AFF3: variants seen among roughly 807,000 people sequenced by gnomAD.
AFF3 encodes the protein AF4/FMR2 family member 3.
A neutral mutation model predicts 129.7 loss-of-function variants in AFF3; 32 were observed. That is an observed-to-expected ratio of 0.25 (90% CI 0.19 to 0.33). The LOEUF (loss-of-function observed/expected upper bound fraction) is 0.33, where lower values mean the gene tolerates loss of function less well. AFF3 is among the 10% of genes least tolerant of loss of function. AFF3 has a pLI of 1.00. For missense variants in AFF3, 1,373 were observed against 1,592.0 expected (o/e 0.86, Z 2.34); for synonymous variants, 644 against 635.4 (o/e 1.01, Z -0.20).
chr2:99,809,255 A>G (rs1686602153), intron 8 of AFF3, among the ~76,000 whole-genome samples: 1 of 152,240 alleles, frequency 6.6e-6, no homozygotes, highest in Non-Finnish European at 1.5e-5. Flanking sequence ...GGAAAGTGAC[A>G]GCAGAGCGCT....
intron 7 of AFF3, among the ~76,000 whole-genome samples, chr2:99,950,021 T>C (rs1675993328): frequency 6.6e-6 from 1 of 152,190 alleles, no homozygotes; most frequent in Admixed American, 6.5e-5. Context: ...GGTACTGAAA[T>C]CACTCTACTC....
chr2:100,136,534 CT>C (rs1408623704), intron 1 of AFF3, among the ~76,000 whole-genome samples: 1 of 152,210 alleles, frequency 6.6e-6, no homozygotes, highest in Non-Finnish European at 1.5e-5. Context: ...TGAAAAGGGG[CT>C]TTTCCCATAT....
intron 7 of AFF3, among the ~76,000 whole-genome samples, chr2:99,986,016 T>C (rs1248780041): frequency 6.6e-6 from 1 of 151,680 alleles, no homozygotes; most frequent in African/African-American, 2.4e-5. Context: ...CTGGCTAACA[T>C]GGTGAAACCC....
chr2:99,786,965 T>C (rs2105416297), intron 8 of AFF3, among the ~76,000 whole-genome samples: 1 of 152,202 alleles, frequency 6.6e-6, no homozygotes, highest in Non-Finnish European at 1.5e-5. Context: ...ATTAACACAG[T>C]CAAGCACCAG....
At chr2:99,942,392 TAAAG>T (rs1009831909) in intron 7 of AFF3, among the ~76,000 whole-genome samples, 1 of 151,530 alleles carries the variant, frequency 6.6e-6, no homozygotes, top group Non-Finnish European at 1.5e-5. Context: ...AGAAAAATAA[TAAAG>T]AAGAAAATGA....
At chr2:100,058,528 T>C (rs577399683) in intron 4 of AFF3, among the ~76,000 whole-genome samples, 20 of 152,364 alleles carry the variant, frequency 1.3e-4, no homozygotes, top group Middle Eastern at 6.8e-3. Context: ...GCAATGCTTC[T>C]GGCCAGGGCA....
intron 7 of AFF3, among the ~76,000 whole-genome samples, chr2:99,908,482 T>C (rs997128089): frequency 3.3e-5 from 5 of 152,154 alleles, no homozygotes; most frequent in Non-Finnish European, 4.4e-5. Flanking sequence ...AAATGGGATC[T>C]AATTAAACTA....
chr2:99,946,294 G>C, intron 7 of AFF3, among the ~76,000 whole-genome samples: 1 of 151,314 alleles, frequency 6.6e-6, no homozygotes. Flanking sequence ...CCAACATGGC[G>C]TAAACCCCAT....
intron 13 of AFF3, among the ~76,000 whole-genome samples, chr2:99,613,695 A>G (rs1173883265): frequency 8.5e-5 from 13 of 152,216 alleles, no homozygotes; most frequent in African/African-American, 3.1e-4. Context: ...GTTCATTTAT[A>G]ATACTTTTAC....
intron 7 of AFF3, among the ~76,000 whole-genome samples, chr2:99,939,925 T>C (rs1214448799): frequency 6.6e-6 from 1 of 152,192 alleles, no homozygotes; most frequent in Non-Finnish European, 1.5e-5. Flanking sequence ...GATGGGTGTA[T>C]TGTTCTGGTG....
chr2:100,010,259 T>C (rs913074368), intron 4 of AFF3, among the ~76,000 whole-genome samples: 4 of 152,180 alleles, frequency 2.6e-5, no homozygotes, highest in Non-Finnish European at 5.9e-5. Context: ...CTTATAAAAA[T>C]TGTGATTTTT....
At chr2:99,808,418 T>C (rs1433363282) in intron 8 of AFF3, among the ~76,000 whole-genome samples, 2 of 152,232 alleles carry the variant, frequency 1.3e-5, no homozygotes, top group Non-Finnish European at 2.9e-5. Flanking sequence ...CTATTGTTCT[T>C]ACTGTAGTTC....
intron 4 of AFF3, among the ~76,000 whole-genome samples, chr2:100,027,758 G>A (rs1299635670): frequency 6.6e-6 from 1 of 152,056 alleles, no homozygotes; most frequent in Non-Finnish European, 1.5e-5. Context: ...TGTGTTCCCT[G>A]TTCACAAATA....
At chr2:100,122,672 G>C (rs1482446912) in intron 2 of AFF3, among the ~76,000 whole-genome samples, 1 of 152,212 alleles carries the variant, frequency 6.6e-6, no homozygotes, top group Non-Finnish European at 1.5e-5. Flanking sequence ...CTAGAGAAGA[G>C]AGGAAAGCAA....
At chr2:100,084,840 C>T (rs993516892) in intron 4 of AFF3, among the ~76,000 whole-genome samples, 3 of 149,568 alleles carry the variant, frequency 2.0e-5, no homozygotes, top group African/African-American at 7.4e-5. Flanking sequence ...TGTCCAATTT[C>T]GTGTATCTTT....
intron 7 of AFF3, among the ~76,000 whole-genome samples, chr2:99,919,873 G>A (rs1484987022): frequency 6.6e-6 from 1 of 151,860 alleles, no homozygotes. Context: ...CCAATATCAA[G>A]AATAAAACAG....
intron 7 of AFF3, among the ~76,000 whole-genome samples, chr2:99,995,904 A>T (rs1200006471): frequency 6.6e-6 from 1 of 152,222 alleles, no homozygotes; most frequent in Non-Finnish European, 1.5e-5. Flanking sequence ...TCAACAGAAA[A>T]ATGGGTAAAG....
chr2:99,816,966 A>G (rs1308704479), intron 8 of AFF3, among the ~76,000 whole-genome samples: 1 of 152,116 alleles, frequency 6.6e-6, no homozygotes. Context: ...AATGACAGGG[A>G]ATATGATTCT....
rs1007077690 is a variant in AFF3 at position 99,997,829 on chromosome 2, C to G, written c.873+8803G>C. On this transcript the variant is annotated intron_variant, in intron 7 of 24. Transcript: ENST00000672756. ...CCACCTGGCATGTGCCTTCTCCCTG[C>G]CATGTCTTCCTGGCTAACTCTACCA... Among the ~76,000 whole-genome samples the G allele has an allele frequency of 2.6e-5, 4 of 152,178 alleles. No individual in the cohort carries two copies. In the East Asian group the frequency reaches 5.8e-4, roughly 22 times the overall value.
Sources: gnomAD v4.1 joint callset for allele counts (sites outside exome capture counted in the v4.1 genomes callset) on GRCh38, gnomAD v4.1.1 for gene constraint, MANE v1.5 for transcripts, NCBI Gene and HGNC (gene_info 2026-07-23, HGNC 2026-07-21) for gene names.